GPR141: variants seen among roughly 807,000 people sequenced by gnomAD.
GPR141 encodes the protein G protein-coupled receptor 141, also known as probable G protein-coupled receptor 141.
In GPR141, 6 loss-of-function variants were observed where a neutral mutation model predicts 6.8. The observed-to-expected ratio is 0.88, with a 90% CI of 0.48 to 1.74. The LOEUF (loss-of-function observed/expected upper bound fraction) is 1.74. GPR141 is among the 40% of genes most tolerant of loss of function. GPR141 has a pLI of 0.01. For missense variants in GPR141, 372 were observed against 372.9 expected (o/e 1.00, Z 0.02); for synonymous variants, 140 against 142.3 (o/e 0.98, Z 0.11).
intron 2 of GPR141, among the ~76,000 whole-genome samples, chr7:37,690,609 A>G (rs922197468): frequency 4.6e-5 from 7 of 152,186 alleles, no homozygotes; most frequent in African/African-American, 1.2e-4. Flanking sequence ...TTATAGCAAT[A>G]CAAGAGCAAC....
At chr7:37,697,884 T>C (rs953825132) in intron 2 of GPR141, among the ~76,000 whole-genome samples, 3 of 152,156 alleles carry the variant, frequency 2.0e-5, no homozygotes, top group Non-Finnish European at 4.4e-5. Context: ...TCATCTTGTA[T>C]AGTAAGTGCC....
At chr7:37,702,810 A>ATACAT (rs370670425) in intron 2 of GPR141, among the ~76,000 whole-genome samples, 1 of 118,674 alleles carries the variant, frequency 8.4e-6, no homozygotes, top group Non-Finnish European at 1.8e-5. Context: ...TCAATTCAAA[A>ATACAT]AAAAAAATAA....
At chr7:37,718,511 CGAAGGAAGGAAGAAAGGAAGGAAG>C (rs1256427566) in intron 2 of GPR141, among the ~76,000 whole-genome samples, 253 of 87,318 alleles carry the variant, frequency 2.9e-3, no homozygotes, top group Non-Finnish European at 5.0e-3. Flanking sequence ...GACTCTGTCT[CGAAGGAAGGAAGAAAGGAAGGAAG>C]GAAGGAAGGA....
intron 2 of GPR141, among the ~76,000 whole-genome samples, chr7:37,717,553 T>C (rs1811105494): frequency 6.6e-6 from 1 of 152,176 alleles, no homozygotes; most frequent in Non-Finnish European, 1.5e-5. Context: ...ATCCCTGACA[T>C]TTTCTGCCCC....
At chr7:37,736,580 T>C (rs945916390) in intron 2 of GPR141, among the ~76,000 whole-genome samples, 1 of 150,346 alleles carries the variant, frequency 6.7e-6, no homozygotes, top group African/African-American at 2.4e-5. Context: ...GCAACCATAA[T>C]AGAAGCAATG....
rs1391293717 is a variant in GPR141 at position 37,742,164 on chromosome 7, G to C, written c.*853G>C. Among the ~76,000 whole-genome samples the C allele has an allele frequency of 6.6e-6, 1 of 151,910 alleles. No individual in the cohort carries two copies. Among genetic ancestry groups the C allele is most frequent in the Non-Finnish European group, 1.5e-5 (1 of 67,988 alleles). ...TTTTGAGAGAATTTCTAGATGTCCTGGGCCACAGTTAATTAAGATTTTTAG... is the reference window on the plus strand; with the variant it reads ...TTTTGAGAGAATTTCTAGATGTCCTCGGCCACAGTTAATTAAGATTTTTAG... On this transcript the variant is annotated 3_prime_UTR_variant, in exon 3 of 3. Coordinates refer to ENST00000334425, the MANE Select transcript of GPR141 (RefSeq NM_001381946.1).
intron 2 of GPR141, among the ~76,000 whole-genome samples, chr7:37,736,927 C>T (rs12532170): frequency 0.015 from 2,265 of 151,962 alleles, 145 homozygotes; most frequent in Admixed American, 0.11. Context: ...GTTAATGATA[C>T]AATACAATAA....
In GPR141 at chr7:37,740,962, T is replaced by C. The variant is rs1005996976; in HGVS notation, c.569T>C (p.Ile190Thr). 3.1e-6 allele frequency: 5 copies of C among 1,613,580 alleles called. No homozygotes were observed. In the African/African-American group the frequency reaches 4.0e-5, roughly 13 times the overall value. ...AACTATATGATAGTCATTTTTGTCA[T>C]AGCCGTTGCTGTGATTCTGTTGGTC... Reference protein sequence around the residue: ...IINYMIVIFVIAVAVILLVFQ... With the variant: ...IINYMIVIFVTAVAVILLVFQ... The change falls in exon 3 of 3, where the codon ATA becomes ACA. Residue 190 changes from isoleucine (I) to threonine (T), a missense_variant. Ile to Thr is a moderately conservative substitution (Grantham distance 89, BLOSUM62 -1). Coordinates refer to ENST00000334425, the MANE Select transcript of GPR141 (RefSeq NM_001381946.1).
chr7:37,693,643 G>T (rs1809883673), intron 2 of GPR141, among the ~76,000 whole-genome samples: 1 of 152,096 alleles, frequency 6.6e-6, no homozygotes. Flanking sequence ...CAGGTACAGT[G>T]GCAGCAAGTA....
At chr7:37,716,656 A>G (rs1024917815) in intron 2 of GPR141, among the ~76,000 whole-genome samples, 5 of 152,202 alleles carry the variant, frequency 3.3e-5, no homozygotes, top group Admixed American at 2.6e-4. Flanking sequence ...ACAAAAGTAT[A>G]ATTTCTTGTT....
intron 2 of GPR141, among the ~76,000 whole-genome samples, chr7:37,707,120 C>T (rs554993092): frequency 6.6e-6 from 1 of 152,260 alleles, no homozygotes; most frequent in South Asian, 2.1e-4. Flanking sequence ...TGTGGGATTT[C>T]TCAGGGGCAG....
At chr7:37,714,363 A>G (rs1288462160) in intron 2 of GPR141, among the ~76,000 whole-genome samples, 3 of 152,176 alleles carry the variant, frequency 2.0e-5, no homozygotes, top group Non-Finnish European at 4.4e-5. Flanking sequence ...GTGAACTTGG[A>G]CCTAAAGAAC....
intron 2 of GPR141, among the ~76,000 whole-genome samples, chr7:37,737,171 A>G (rs1422755656): frequency 6.6e-6 from 1 of 152,180 alleles, no homozygotes; most frequent in East Asian, 1.9e-4. Flanking sequence ...TCAAAAGTTG[A>G]TCTTGAGGAA....
At chr7:37,716,288 T>C (rs1811046792) in intron 2 of GPR141, among the ~76,000 whole-genome samples, 1 of 152,198 alleles carries the variant, frequency 6.6e-6, no homozygotes, top group African/African-American at 2.4e-5. Flanking sequence ...TTAATAACTA[T>C]AATCAAAACC....
Sources: allele counts gnomAD v4.1 joint callset (sites outside exome capture counted in the v4.1 genomes callset), GRCh38; gene constraint gnomAD v4.1.1; transcripts MANE v1.5; gene names NCBI Gene and HGNC (gene_info 2026-07-23, HGNC 2026-07-21).